Variants in GLIS3 observed in about 807,000 individuals in gnomAD.
The protein encoded by GLIS3 is zinc finger protein GLIS3.
In GLIS3, 53 loss-of-function variants were observed where a neutral mutation model predicts 78.6. That is an observed-to-expected ratio of 0.67 (90% confidence interval 0.54 to 0.85). The LOEUF is 0.85. GLIS3 is among the 40% of genes least tolerant of loss of function. GLIS3 has a pLI of 0.00. For synonymous variants in GLIS3, 684 were observed against 509.9 expected, an observed-to-expected ratio of 1.34 and a Z score of -4.60; for missense variants, 1,703 against 1,231.1, an observed-to-expected ratio of 1.38 and a Z score of -5.74.
intron 6 of GLIS3, 115 bp from the exon 7 acceptor site, chr9:3,898,950 G>C: frequency 1.6e-6 from 2 of 1,286,328 alleles, no homozygotes; most frequent in Admixed American, 3.8e-5. Context: ...TTATCAAGCA[G>C]CAACTACGGG....
At chr9:4,403,737 A>T in the GLIS3 span, among the ~76,000 whole-genome samples, 1 of 152,196 alleles carries the variant, frequency 6.6e-6, no homozygotes, top group Non-Finnish European at 1.5e-5. Context: ...ACAAAATAAA[A>T]AGCAAGAAAT....
At chr9:4,026,274 C>A (rs139907508) in intron 4 of GLIS3, among the ~76,000 whole-genome samples, 6 of 152,164 alleles carry the variant, frequency 3.9e-5, no homozygotes, top group African/African-American at 1.4e-4. Flanking sequence ...GACTACAGAC[C>A]AGTCTCAATC....
intron 4 of GLIS3, chr9:4,034,924 T>G (rs1258925668): frequency 1.3e-5 from 2 of 152,170 alleles, no homozygotes; most frequent in Non-Finnish European, 2.9e-5. Context: ...TCTTCGTTAC[T>G]TCATATTCTC....
intron 2 of GLIS3, among the ~76,000 whole-genome samples, chr9:4,340,589 G>T (rs1164570336): frequency 1.3e-5 from 2 of 152,170 alleles, no homozygotes; most frequent in Non-Finnish European, 2.9e-5. Flanking sequence ...GGGAGTGAGG[G>T]TGATGGTCCA....
At chr9:4,226,345 A>G (rs1821768377) in intron 2 of GLIS3, among the ~76,000 whole-genome samples, 1 of 152,212 alleles carries the variant, frequency 6.6e-6, no homozygotes, top group East Asian at 1.9e-4. Context: ...CATCTTTTTA[A>G]CAACTTCATA....
intron 8 of GLIS3, among the ~76,000 whole-genome samples, chr9:3,867,242 T>C (rs961711375): frequency 1.3e-5 from 2 of 152,248 alleles, no homozygotes; most frequent in Non-Finnish European, 2.9e-5. Context: ...GTTGTTGTTG[T>C]TGCTGTTGTT....
chr9:4,244,323 A>G (rs535301182), intron 2 of GLIS3, among the ~76,000 whole-genome samples: 2 of 152,320 alleles, frequency 1.3e-5, no homozygotes, highest in Admixed American at 1.3e-4. Context: ...AGCTCCTAAC[A>G]ATTGACTTGG....
chr9:4,146,908 T>C lies in GLIS3; in HGVS notation c.389-20967A>G, dbSNP rs552086923. ...GACACTCATTCTGAAGAGTATTACGTTCGACTTTTAAAAACTATCTTGCTA... is the reference window on the plus strand; with the variant it reads ...GACACTCATTCTGAAGAGTATTACGCTCGACTTTTAAAAACTATCTTGCTA... On this transcript the variant is annotated intron_variant, in intron 2 of 10. Transcript: ENST00000381971. Among the ~76,000 whole-genome samples, 4 of 152,336 alleles carry C rather than the reference T, an allele frequency of 2.6e-5. No individual in the cohort carries two copies. In the East Asian group the frequency reaches 7.7e-4, roughly 29 times the overall value.
At chr9:4,188,754 T>G (rs1005383259) in intron 2 of GLIS3, among the ~76,000 whole-genome samples, 5 of 152,222 alleles carry the variant, frequency 3.3e-5, no homozygotes, top group African/African-American at 9.6e-5. Context: ...AATGTATCCA[T>G]TTCTTCTAGA....
chr9:4,252,184 A>C (rs1824462348), intron 2 of GLIS3, among the ~76,000 whole-genome samples: 1 of 152,114 alleles, frequency 6.6e-6, no homozygotes, highest in Non-Finnish European at 1.5e-5. Context: ...CTCCTGGATA[A>C]TATCCTGAGG....
chr9:3,855,486 G>A (rs1196169271), intron 9 of GLIS3: 1 of 178,234 alleles, frequency 5.6e-6, no homozygotes, highest in Admixed American at 5.4e-5. Flanking sequence ...CAAGGTAGAG[G>A]AAGCATAAAT....
intron 8 of GLIS3, among the ~76,000 whole-genome samples, chr9:3,876,332 A>C (rs1821305614): frequency 6.6e-6 from 1 of 151,872 alleles, no homozygotes; most frequent in Admixed American, 6.6e-5. Context: ...ATAAAAATTA[A>C]ATGCACTGTG....
At chr9:4,260,653 C>T (rs542412047) in intron 2 of GLIS3, among the ~76,000 whole-genome samples, 2 of 151,254 alleles carry the variant, frequency 1.3e-5, no homozygotes, top group Non-Finnish European at 2.9e-5. Flanking sequence ...GGCTGAGGCA[C>T]AAGAATCTGT....
intron 6 of GLIS3, among the ~76,000 whole-genome samples, chr9:3,913,216 G>C (rs1824267434): frequency 6.6e-6 from 1 of 152,114 alleles, no homozygotes; most frequent in Non-Finnish European, 1.5e-5. Context: ...GAGTGAAGAA[G>C]ATTTAAGGCT....
intron 2 of GLIS3, among the ~76,000 whole-genome samples, chr9:4,199,275 G>T (rs933254888): frequency 6.6e-6 from 1 of 151,962 alleles, no homozygotes; most frequent in East Asian, 1.9e-4. Flanking sequence ...TGGCAAGTTG[G>T]ATGAAAAACG....
intron 4 of GLIS3, among the ~76,000 whole-genome samples, chr9:3,960,846 T>C (rs960559070): frequency 2.0e-5 from 3 of 152,216 alleles, no homozygotes; most frequent in Non-Finnish European, 4.4e-5. Flanking sequence ...GATCCAGTTG[T>C]TTCTTTCAAT....
chr9:4,276,665 G>C (rs1827061355), intron 2 of GLIS3, among the ~76,000 whole-genome samples: 2 of 152,134 alleles, frequency 1.3e-5, no homozygotes, highest in Admixed American at 1.3e-4. Context: ...TAATGGAATA[G>C]ATTCTTTTAA....
intron 2 of GLIS3, among the ~76,000 whole-genome samples, chr9:4,311,580 G>A (rs1331569562): frequency 2.6e-5 from 4 of 152,030 alleles, no homozygotes; most frequent in Admixed American, 2.6e-4. Flanking sequence ...TCCCAAGCCA[G>A]AATAACTCCA....
chr9:3,916,858 A>G (rs537615861), intron 6 of GLIS3, among the ~76,000 whole-genome samples: 5 of 152,202 alleles, frequency 3.3e-5, no homozygotes, highest in African/African-American at 7.2e-5. Flanking sequence ...AGCAGGTACA[A>G]ATTTTTAAAA....
Sources: allele counts gnomAD v4.1 joint callset (sites outside exome capture counted in the v4.1 genomes callset), GRCh38; gene constraint gnomAD v4.1.1; transcripts MANE v1.5; gene names NCBI Gene and HGNC (gene_info 2026-07-23, HGNC 2026-07-21).